The following FAM185A variants were observed in gnomAD, a reference collection of about 807,000 sequenced individuals.
FAM185A encodes family with sequence similarity 185 member A.
FAM185A carries 21 observed loss-of-function variants against 45.7 expected under a neutral mutation model. That is an observed-to-expected ratio of 0.46 (90% confidence interval 0.33 to 0.66). The LOEUF (loss-of-function observed/expected upper bound fraction) is 0.66. Among genes scored for constraint, FAM185A ranks in the 30% least tolerant of loss-of-function variants. The pLI is 0.03. For missense variants in FAM185A, 305 were observed against 485.4 expected, an observed-to-expected ratio of 0.63 and a Z score of 3.49; for synonymous variants, 117 against 194.0, an observed-to-expected ratio of 0.60 and a Z score of 3.30.
intron 7 of FAM185A, among the ~76,000 whole-genome samples, chr7:102,803,897 C>A (rs1796941707): frequency 6.6e-6 from 1 of 151,946 alleles, no homozygotes; most frequent in Non-Finnish European, 1.5e-5. Flanking sequence ...AGCAACCAAG[C>A]AGAGAATCAA....
At chr7:102,759,184 T>C (rs2129433503) in intron 3 of FAM185A, among the ~76,000 whole-genome samples, 1 of 152,180 alleles carries the variant, frequency 6.6e-6, no homozygotes, top group South Asian at 2.1e-4. Context: ...TCAAACTCAG[T>C]AAATGATGGC....
At chr7:102,776,427 G>A (rs1026033187) in intron 5 of FAM185A, among the ~76,000 whole-genome samples, 4 of 151,786 alleles carry the variant, frequency 2.6e-5, no homozygotes, top group Non-Finnish European at 5.9e-5. Context: ...TCAAAAGTGG[G>A]GTCATTGACC....
rs193270608 is a variant in FAM185A, at chr7:102,802,084, A to G, written c.1067-6206A>G. Among the ~76,000 whole-genome samples the G allele has an allele frequency of 2.0e-5, 3 of 152,338 alleles. No individual in the cohort carries two copies. The East Asian group carries it at 5.8e-4, about 29-fold the overall frequency. ...AAGAAATGAGACAGACAGCAACACA[A>G]TAATAGTGAAGGACTTCATTACTCC... is the stretch of plus-strand genomic sequence containing the variant. On this transcript the variant is annotated intron_variant, in intron 7 of 7. Transcript: ENST00000413034.
chr7:102,839,492 G>A, the FAM185A span, among the ~76,000 whole-genome samples: 2 of 152,224 alleles, frequency 1.3e-5, no homozygotes, highest in African/African-American at 4.8e-5. Context: ...GGTGTGGAGG[G>A]GCTGGCCCCC....
At chr7:102,829,331 G>A in the FAM185A span, among the ~76,000 whole-genome samples, 1 of 152,128 alleles carries the variant, frequency 6.6e-6, no homozygotes, top group Non-Finnish European at 1.5e-5. Context: ...CAGACAAGTT[G>A]GTAATCAGTG....
the FAM185A span, among the ~76,000 whole-genome samples, chr7:102,835,975 C>A: frequency 6.6e-6 from 1 of 151,906 alleles, no homozygotes; most frequent in African/African-American, 2.4e-5. Flanking sequence ...GTTAGAGGAA[C>A]CAGAGAAAAA....
chr7:102,802,785 A>G (rs1368868948), intron 7 of FAM185A, among the ~76,000 whole-genome samples: 2 of 152,140 alleles, frequency 1.3e-5, no homozygotes, highest in African/African-American at 4.8e-5. Context: ...AAAGATAAAT[A>G]AACTTGATAG....
rs774041570 is a variant in FAM185A, at chr7:102,808,399, C to T, written c.1176C>T (p.Asp392=). The T allele has an allele frequency of 2.0e-6, 3 of 1,512,686 alleles. No individual in the cohort carries two copies. Among genetic ancestry groups the T allele is most frequent in the South Asian group, 1.2e-5 (1 of 83,218 alleles). 93.7% of individuals were successfully genotyped at this position (1,512,686 alleles called of 1,614,324 possible). Residue 392 remains aspartate (D), a synonymous_variant, in exon 8 of 8, where the codon GAC becomes GAT. Coordinates refer to ENST00000413034, the MANE Select transcript of FAM185A (RefSeq NM_001145268.2). ...QSWFQSLKLQ[D] Reference sequence around the variant, plus strand: ...GGTTTCAGTCCCTGAAACTGCAGGACTAAAACTGATTTGAGTTGGATTTAT... The same window carrying T: ...GGTTTCAGTCCCTGAAACTGCAGGATTAAAACTGATTTGAGTTGGATTTAT...
chr7:102,799,282 A>G (rs981933411), intron 7 of FAM185A, among the ~76,000 whole-genome samples: 25 of 152,122 alleles, frequency 1.6e-4, no homozygotes, highest in Non-Finnish European at 2.9e-4. Flanking sequence ...TGTGATATTG[A>G]AAATATAGCA....
intron 5 of FAM185A, among the ~76,000 whole-genome samples, chr7:102,775,816 G>A (rs1474810712): frequency 2.0e-5 from 3 of 151,964 alleles, no homozygotes; most frequent in Non-Finnish European, 2.9e-5. Flanking sequence ...GCGGTAAGAG[G>A]TTTAAAAAGG....
intron 6 of FAM185A, among the ~76,000 whole-genome samples, chr7:102,780,888 G>T (rs1795362147): frequency 6.6e-6 from 1 of 152,172 alleles, no homozygotes; most frequent in Non-Finnish European, 1.5e-5. Context: ...AAGCGCAAGG[G>T]GTCAGGGAAT....
chr7:102,788,050 C>T lies in FAM185A; in HGVS notation c.1066+581C>T, dbSNP rs188463922. 3.2e-3 allele frequency among the ~76,000 whole-genome samples: 493 copies of T among 152,172 alleles called. 4 individuals are homozygous for T. The highest frequency in any genetic ancestry group is 0.011 in the African/African-American group (468 of 41,490). ...CGTGATCTTGGCTCACTGCAACCTC[C>T]GCCTCCCGGGTTCAAACGATTCTGT... On this transcript the variant is annotated intron_variant, in intron 7 of 7. Coordinates refer to ENST00000413034, the MANE Select transcript of FAM185A (RefSeq NM_001145268.2).
chr7:102,778,488 A>G (rs540401166), intron 6 of FAM185A, among the ~76,000 whole-genome samples: 3 of 152,370 alleles, frequency 2.0e-5, no homozygotes, highest in South Asian at 2.1e-4. Context: ...TTGAATAAGC[A>G]GCTGTTACAT....
At chr7:102,754,637 T>G (rs1212361354) in intron 2 of FAM185A, among the ~76,000 whole-genome samples, 2 of 152,264 alleles carry the variant, frequency 1.3e-5, no homozygotes, top group Non-Finnish European at 2.9e-5. Flanking sequence ...GGAACTCACT[T>G]GCGTTCACAT....
chr7:102,749,354 A>G lies in FAM185A; in HGVS notation c.147A>G (p.Gly49=), dbSNP rs1413621512. ...YSSGGSERWP[G]SETEVPPPGP... The stretch of plus-strand genomic sequence containing the variant: ...CAGGTGGGAGCGAGCGCTGGCCCGG[A>G]TCGGAGACTGAGGTCCCTCCGCCTG... The change falls in exon 1 of 8, where the codon GGA becomes GGG. Residue 49 remains glycine (G), a synonymous_variant. Coordinates refer to ENST00000413034, the MANE Select transcript of FAM185A (RefSeq NM_001145268.2). The G allele has an allele frequency of 2.6e-6, 4 of 1,548,954 alleles. No individual in the cohort carries two copies. In the Admixed American group the frequency reaches 7.8e-5, roughly 30 times the overall value.
At position 102,795,467 on chromosome 7, in the gene FAM185A, A is replaced by G. The variant is rs997620908; in HGVS notation, c.1066+7998A>G. On this transcript the variant is annotated intron_variant, in intron 7 of 7. Transcript: ENST00000413034. ...TCCCACCTGAAACAATGACAAAAAA[A>G]TTTAAAAATTAAGCAGATACAGGAA... Among the ~76,000 whole-genome samples, 14 of 152,164 alleles carry G rather than the reference A, an allele frequency of 9.2e-5. No homozygotes were observed. In the East Asian group the frequency reaches 2.7e-3, roughly 29 times the overall value.
chr7:102,769,239 T>C (rs1395181043), intron 4 of FAM185A, among the ~76,000 whole-genome samples: 1 of 152,048 alleles, frequency 6.6e-6, no homozygotes, highest in Non-Finnish European at 1.5e-5. Flanking sequence ...ATGCTTTTAG[T>C]ATACAGTAGA....
intron 6 of FAM185A, among the ~76,000 whole-genome samples, chr7:102,783,133 C>T (rs994458070): frequency 6.6e-6 from 1 of 151,402 alleles, no homozygotes; most frequent in Non-Finnish European, 1.5e-5. Flanking sequence ...AATACAGGAG[C>T]ACCCAGATTC....
chr7:102,837,675 C>A, the FAM185A span, among the ~76,000 whole-genome samples: 3 of 152,180 alleles, frequency 2.0e-5, no homozygotes. Flanking sequence ...TCTACCTCAG[C>A]CTTCCACATA....
Sources: allele counts gnomAD v4.1 joint callset (sites outside exome capture counted in the v4.1 genomes callset), GRCh38; gene constraint gnomAD v4.1.1; transcripts MANE v1.5; gene names NCBI Gene and HGNC (gene_info 2026-07-23, HGNC 2026-07-21).